DAAM1: variants seen among roughly 807,000 people sequenced by gnomAD.
DAAM1 encodes the protein dishevelled associated activator of morphogenesis 1.
DAAM1 carries 52 observed loss-of-function variants against 130.0 expected under a neutral mutation model. The ratio of observed to expected loss-of-function variants is 0.40; its 90% CI spans 0.32 to 0.50. The LOEUF (loss-of-function observed/expected upper bound fraction) is 0.50. Ranked by LOEUF, DAAM1 falls within the 20% of genes least tolerant of loss-of-function variation. DAAM1 has a pLI of 0.61. For missense variants in DAAM1, 1,134 were observed against 1,303.8 expected, an observed-to-expected ratio of 0.87 and a Z score of 2.01; for synonymous variants, 452 against 444.5, an observed-to-expected ratio of 1.02 and a Z score of -0.21.
chr14:59,358,380 T>C (rs1886564212), intron 20 of DAAM1, among the ~76,000 whole-genome samples: 1 of 152,188 alleles, frequency 6.6e-6, no homozygotes, highest in Non-Finnish European at 1.5e-5. Context: ...ACCAACTGTT[T>C]TAACTACTAA....
chr14:59,249,190 A>G (rs1174951492), intron 1 of DAAM1, among the ~76,000 whole-genome samples: 4 of 152,138 alleles, frequency 2.6e-5, no homozygotes, highest in Admixed American at 2.6e-4. Context: ...TCTGGAAGTC[A>G]CTTGTAATTC....
rs386381493 is a variant in DAAM1 at position 59,327,402 on chromosome 14, C to CTTTTTTTTTTTTTTT, written c.1372+421_1372+435dup. ...AAGAGAAGAACAGGTCACTTGGTTT[C>CTTTTTTTTTTTTTTT]TTTTTTTTTTTTTTTTTTTTTTTTG... On this transcript the variant is annotated intron_variant, in intron 12 of 24. Coordinates refer to ENST00000360909, the MANE Select transcript of DAAM1 (RefSeq NM_001270520.2). Among the ~76,000 whole-genome samples, 143 of 58,986 alleles carry CTTTTTTTTTTTTTTT rather than the reference C, an allele frequency of 2.4e-3. 27 individuals carry two copies. Among genetic ancestry groups the CTTTTTTTTTTTTTTT allele is most frequent in the African/African-American group, 5.3e-3 (69 of 12,916 alleles). 38.7% of individuals were successfully genotyped at this position (58,986 alleles called of 152,430 possible). A position where few individuals can be genotyped will look rare whatever the true frequency, so the allele number is the denominator to read the frequency against.
At chr14:59,246,926 A>G (rs1352723585) in intron 1 of DAAM1, among the ~76,000 whole-genome samples, 1 of 152,116 alleles carries the variant, frequency 6.6e-6, no homozygotes, top group Non-Finnish European at 1.5e-5. Flanking sequence ...GTTGGATTGT[A>G]GGGGTTCTGG....
In DAAM1 at chr14:59,304,837, C is replaced by T. The variant is rs143973798; in HGVS notation, c.274-10443C>T. ...CTTTTTTCTCATTCTGAGGATGCATCCCTGAATGGCATATGCCTTTATGTG... is the reference window on the plus strand; with the variant it reads ...CTTTTTTCTCATTCTGAGGATGCATTCCTGAATGGCATATGCCTTTATGTG... On this transcript the variant is annotated intron_variant, in intron 3 of 24. Transcript: ENST00000360909. Among the ~76,000 whole-genome samples, 8 of 152,306 alleles carry T rather than the reference C, an allele frequency of 5.3e-5. No homozygotes were observed. In the East Asian group the frequency reaches 1.5e-3, roughly 29 times the overall value.
intron 1 of DAAM1, among the ~76,000 whole-genome samples, chr14:59,214,624 T>C (rs923536080): frequency 6.6e-6 from 1 of 152,226 alleles, no homozygotes; most frequent in Non-Finnish European, 1.5e-5. Context: ...TTGATTGACG[T>C]CTCTCATCTA....
Position 59,337,364 on chromosome 14 carries a change from G to A in DAAM1, c.1969-2710G>A, listed in dbSNP as rs566074738. On this transcript the variant is annotated intron_variant, in intron 15 of 24. Transcript: ENST00000360909. ...TAGAAAAGCAGTCCCCCCTTGTATG[G>A]CTAGAGCAAGGGGAGGACACATTCT... Among the ~76,000 whole-genome samples the A allele has an allele frequency of 9.9e-4, 151 of 152,246 alleles. 4 individuals are homozygous for A. The South Asian group carries it at 0.02, about 20-fold the overall frequency.
At chr14:59,327,026 T>A (rs2139627087) in intron 12 of DAAM1, 35 bp downstream of exon 12, 1 of 1,611,558 alleles carries the variant, frequency 6.2e-7, no homozygotes, top group Admixed American at 1.7e-5. Flanking sequence ...GGCTGTGTTA[T>A]TGGTTATTGG....
chr14:59,266,752 A>G (rs1882462537), intron 2 of DAAM1, among the ~76,000 whole-genome samples: 2 of 152,206 alleles, frequency 1.3e-5, no homozygotes, highest in Non-Finnish European at 2.9e-5. Flanking sequence ...TCTCTTGAGT[A>G]ATAGCTGAAG....
Position 59,265,598 on chromosome 14 carries a change from G to A in DAAM1, c.183+1938G>A, listed in dbSNP as rs540780112. On this transcript the variant is annotated intron_variant, in intron 2 of 24. Coordinates refer to ENST00000360909, the MANE Select transcript of DAAM1 (RefSeq NM_001270520.2). ...GGTTAGGGAAGACTTTATGGAGGAA[G>A]TGAGCTGTCAACAGGAATTGAAGGT... 6 of 152,434 alleles carry A rather than the reference G, an allele frequency of 3.9e-5. No individual in the cohort carries two copies. The East Asian group carries it at 1.2e-3, about 29-fold the overall frequency. 9.4% of individuals were successfully genotyped at this position (152,434 alleles called of 1,614,324 possible).
intron 3 of DAAM1, among the ~76,000 whole-genome samples, chr14:59,294,848 T>C (rs1883893993): frequency 6.6e-6 from 1 of 152,218 alleles, no homozygotes; most frequent in African/African-American, 2.4e-5. Flanking sequence ...ATTGTTAACA[T>C]GATTTTTAAA....
intron 2 of DAAM1, among the ~76,000 whole-genome samples, chr14:59,290,372 G>A (rs1005854865): frequency 2.6e-5 from 4 of 152,084 alleles, no homozygotes; most frequent in African/African-American, 7.2e-5. Context: ...CTTAAAACAC[G>A]ACTCCACTAT....
chr14:59,260,406 A>G (rs1445751849), intron 1 of DAAM1, among the ~76,000 whole-genome samples: 1 of 152,110 alleles, frequency 6.6e-6, no homozygotes, highest in Non-Finnish European at 1.5e-5. Context: ...TGCTGCCTGT[A>G]TTTTGTTATA....
At chr14:59,209,022 ACCT>A (rs1336907202) in intron 1 of DAAM1, among the ~76,000 whole-genome samples, 2 of 151,854 alleles carry the variant, frequency 1.3e-5, no homozygotes, top group Non-Finnish European at 2.9e-5. Flanking sequence ...AGCAAATTAA[ACCT>A]CTCTTCTTTA....
Position 59,346,448 on chromosome 14 carries a change from T to C in DAAM1, c.2076-1091T>C, listed in dbSNP as rs886076797. On this transcript the variant is annotated intron_variant, in intron 16 of 24. Transcript: ENST00000360909. ...TCATGTTAATACGCCACATTAGTTATAGGTTGTAAGGAAGTAAGATTTTTA... is the reference window on the plus strand; with the variant it reads ...TCATGTTAATACGCCACATTAGTTACAGGTTGTAAGGAAGTAAGATTTTTA... 5.9e-5 allele frequency among the ~76,000 whole-genome samples: 9 copies of C among 152,290 alleles called. No homozygotes were observed. In the East Asian group the frequency reaches 1.2e-3, roughly 20 times the overall value.
intron 15 of DAAM1, chr14:59,338,336 A>G (rs1218918861): frequency 1.9e-6 from 3 of 1,601,780 alleles, no homozygotes; most frequent in Admixed American, 3.3e-5. Flanking sequence ...GTGACTTCTG[A>G]ACTGCATATA....
At chr14:59,255,914 ACT>A (rs1227415964) in intron 1 of DAAM1, among the ~76,000 whole-genome samples, 1 of 151,994 alleles carries the variant, frequency 6.6e-6, no homozygotes, top group Non-Finnish European at 1.5e-5. Context: ...GGATGTAAAA[ACT>A]CTCACAACTT....
intron 12 of DAAM1, among the ~76,000 whole-genome samples, chr14:59,327,467 G>A (rs894286520): frequency 7.6e-6 from 1 of 132,410 alleles, no homozygotes; most frequent in African/African-American, 3.0e-5. Context: ...GGAATCAGTG[G>A]CGCCATCTCG....
intron 1 of DAAM1, among the ~76,000 whole-genome samples, chr14:59,235,045 C>T (rs1368744238): frequency 1.3e-5 from 2 of 151,964 alleles, no homozygotes; most frequent in Non-Finnish European, 2.9e-5. Flanking sequence ...TTTGGTTTGC[C>T]AGTATTTTAT....
intron 17 of DAAM1, among the ~76,000 whole-genome samples, chr14:59,348,765 G>T (rs1468972508): frequency 6.6e-6 from 1 of 152,076 alleles, no homozygotes; most frequent in Non-Finnish European, 1.5e-5. Context: ...GTTTTCCATG[G>T]TTCTCACTGA....
Sources: gnomAD v4.1 joint callset for allele counts (sites outside exome capture counted in the v4.1 genomes callset) on GRCh38, gnomAD v4.1.1 for gene constraint, MANE v1.5 for transcripts, NCBI Gene and HGNC (gene_info 2026-07-23, HGNC 2026-07-21) for gene names.